The following NDRG1 variants were observed in gnomAD, a reference collection of about 807,000 sequenced individuals.
NDRG1 encodes N-myc downstream regulated 1.
NDRG1 carries 32 observed loss-of-function variants against 56.9 expected under a neutral mutation model. The ratio of observed to expected loss-of-function variants is 0.56; its 90% CI spans 0.42 to 0.76. NDRG1 has a LOEUF of 0.76. Ranked by LOEUF, NDRG1 falls within the 30% of genes least tolerant of loss-of-function variation. The probability of loss-of-function intolerance (pLI) is 0.00; values close to 1 mark genes in which losing one functional copy is unlikely to be tolerated. For synonymous variants in NDRG1, 211 were observed against 204.1 expected, an observed-to-expected ratio of 1.03 and a Z score of -0.29; for missense variants, 507 against 545.7, an observed-to-expected ratio of 0.93 and a Z score of 0.71.
chr8:133,291,476 C>T (rs957318767), intron 1 of NDRG1, among the ~76,000 whole-genome samples: 2 of 152,174 alleles, frequency 1.3e-5, no homozygotes, highest in African/African-American at 4.8e-5. Context: ...AGTTCATGGG[C>T]TCTCTTGGTG....
intron 3 of NDRG1, among the ~76,000 whole-genome samples, chr8:133,267,277 A>T (rs755674779): frequency 6.6e-6 from 1 of 152,172 alleles, no homozygotes; most frequent in Non-Finnish European, 1.5e-5. Context: ...GTTACCTAAA[A>T]GTTCCCTGTT....
intron 10 of NDRG1, chr8:133,249,528 G>A (rs1401225079): frequency 1.3e-5 from 2 of 153,298 alleles, no homozygotes; most frequent in Non-Finnish European, 2.9e-5. Context: ...GATTTGGAGA[G>A]GGGTCAGTTA....
chr8:133,291,446 T>C (rs1858424643), intron 1 of NDRG1, among the ~76,000 whole-genome samples: 1 of 152,194 alleles, frequency 6.6e-6, no homozygotes, highest in South Asian at 2.1e-4. Context: ...CAAAGAGATT[T>C]TGAAGTCAAG....
chr8:133,258,517 T>C, intron 6 of NDRG1, 91 bp from the exon 7 acceptor site: 1 of 1,295,822 alleles, frequency 7.7e-7, no homozygotes, highest in Non-Finnish European at 1.1e-6. Context: ...GGTGACCGCC[T>C]GGCTAGGCAA....
chr8:133,239,521 G>A (rs1855262874), intron 15 of NDRG1: 2 of 290,672 alleles, frequency 6.9e-6, no homozygotes, highest in Non-Finnish European at 1.3e-5. Context: ...ATGATCACTG[G>A]AGCAGGGAGG....
intron 9 of NDRG1, among the ~76,000 whole-genome samples, chr8:133,253,017 T>C (rs899506565): frequency 1.3e-5 from 2 of 152,194 alleles, no homozygotes; most frequent in East Asian, 1.9e-4. Context: ...GAGTGTCAGA[T>C]GGTCACACAT....
intron 6 of NDRG1, 185 bp downstream of exon 6, chr8:133,258,983 G>A: frequency 1.4e-6 from 1 of 690,236 alleles, no homozygotes; most frequent in Non-Finnish European, 2.6e-6. Flanking sequence ...AGTTAGAGGA[G>A]ACAGACTAGA....
chr8:133,284,888 G>A (rs901256813), intron 1 of NDRG1: 5 of 454,436 alleles, frequency 1.1e-5, no homozygotes, highest in African/African-American at 2.0e-5. Context: ...CAGGACTCTC[G>A]GCTGCCTGCT....
chr8:133,284,216 T>A, intron 2 of NDRG1, 33 bp downstream of exon 2: 1 of 1,606,360 alleles, frequency 6.2e-7, no homozygotes, highest in Non-Finnish European at 8.5e-7. Flanking sequence ...CACATGTGCC[T>A]GTGATGGGGT....
chr8:133,280,970 A>G (rs1324836004), intron 2 of NDRG1: 1 of 152,208 alleles, frequency 6.6e-6, no homozygotes, highest in Non-Finnish European at 1.5e-5. Context: ...CATTTTTTCC[A>G]TGGCTGCTGT....
chr8:133,282,205 G>GC (rs1224416131), intron 2 of NDRG1, among the ~76,000 whole-genome samples: 1 of 152,148 alleles, frequency 6.6e-6, no homozygotes, highest in Non-Finnish European at 1.5e-5. Flanking sequence ...TGTTTTAAAT[G>GC]CATTTACCCT....
intron 11 of NDRG1, among the ~76,000 whole-genome samples, chr8:133,248,403 C>T (rs527578658): frequency 9.9e-5 from 15 of 152,198 alleles, no homozygotes; most frequent in Non-Finnish European, 1.6e-4. Context: ...CTATCCATCC[C>T]TAGGCTTCAT....
intron 8 of NDRG1, chr8:133,255,315 T>C (rs2130715076): frequency 2.2e-6 from 1 of 456,244 alleles, no homozygotes; most frequent in East Asian, 7.0e-5. Flanking sequence ...TGCCAGGAAC[T>C]TCAAGGCCAC....
At position 133,245,403 on chromosome 8, in the gene NDRG1, A is replaced by G. The variant is rs148130178; in HGVS notation, c.856-1013T>C. 5.4e-4 allele frequency among the ~76,000 whole-genome samples: 82 copies of G among 152,354 alleles called. No individual in the cohort carries two copies. In the East Asian group the frequency reaches 0.015, roughly 29 times the overall value. Reference sequence around the variant, plus strand: ...CTATACTTGGAAATAGGGTCTTTGCAGGTAAAATCAAGTTAAGATGAGGTC... The same window carrying G: ...CTATACTTGGAAATAGGGTCTTTGCGGGTAAAATCAAGTTAAGATGAGGTC... On this transcript the variant is annotated intron_variant, in intron 13 of 15. Coordinates refer to ENST00000323851, the MANE Select transcript of NDRG1 (RefSeq NM_006096.4).
chr8:133,291,738 G>A lies in NDRG1; in HGVS notation c.-19+5396C>T, dbSNP rs575470178. 2.0e-5 allele frequency among the ~76,000 whole-genome samples: 3 copies of A among 152,316 alleles called. No individual in the cohort carries two copies. The East Asian group carries it at 5.8e-4, about 29-fold the overall frequency. On this transcript the variant is annotated intron_variant, in intron 1 of 15. Transcript: ENST00000323851. ...GCCCCTGTACTTTGCAGTGGAGCCT[G>A]AAACCCAGGAGGCATCAGTGATGTT...
chr8:133,259,242 A>C lies in NDRG1; in HGVS notation c.327-12T>G. The C allele has an allele frequency of 6.2e-7, 1 of 1,614,068 alleles. No individual in the cohort carries two copies. The highest frequency in any genetic ancestry group is 8.5e-7 in the Non-Finnish European group (1 of 1,179,914). ...AGGGGTACATGTACCTGGGGATGAC[A>C]CAGAGAAGCCATTAGTGAGCGCCCG... is the stretch of plus-strand genomic sequence containing the variant. On this transcript the variant is annotated splice_polypyrimidine_tract_variant and intron_variant, in intron 5 of 15. Transcript: ENST00000323851.
intron 15 of NDRG1, chr8:133,240,408 G>A (rs1855314535): frequency 6.6e-6 from 1 of 152,196 alleles, no homozygotes; most frequent in African/African-American, 2.4e-5. Flanking sequence ...TTGCTGAATT[G>A]TCTTAAAGAG....
intron 8 of NDRG1, chr8:133,255,491 T>C: frequency 2.4e-6 from 1 of 416,470 alleles, no homozygotes; most frequent in Non-Finnish European, 4.9e-6. Context: ...AGGCTTCACA[T>C]TAGCCAGTGG....
intron 1 of NDRG1, chr8:133,284,690 C>T: frequency 2.2e-6 from 1 of 457,638 alleles, no homozygotes; most frequent in South Asian, 1.7e-5. Context: ...ACCTGCATTG[C>T]TGATCCCAAA....
Sources: allele counts gnomAD v4.1 joint callset (sites outside exome capture counted in the v4.1 genomes callset), GRCh38; gene constraint gnomAD v4.1.1; transcripts MANE v1.5; gene names NCBI Gene and HGNC (gene_info 2026-07-23, HGNC 2026-07-21).